Variants in PIK3C2A observed in about 807,000 individuals in gnomAD.
PIK3C2A encodes phosphatidylinositol 4-phosphate 3-kinase C2 domain-containing subunit alpha.
A neutral mutation model predicts 204.5 loss-of-function variants in PIK3C2A; 97 were observed. The ratio of observed to expected loss-of-function variants is 0.47; its 90% CI spans 0.40 to 0.56. The LOEUF (loss-of-function observed/expected upper bound fraction) is 0.56. Among genes scored for constraint, PIK3C2A ranks in the 20% least tolerant of loss-of-function variants. PIK3C2A has a pLI of 0.00. For synonymous variants in PIK3C2A, 653 were observed against 664.4 expected (o/e 0.98, Z 0.26); for missense variants, 1,735 against 1,969.2 (o/e 0.88, Z 2.25).
In PIK3C2A at chr11:17,119,801, T is replaced by C. The variant is rs963406083; in HGVS notation, c.2831A>G (p.Glu944Gly). ...WPALYPLIAL[E>G]LLDSKFADQE... ...TTTGACTTACTTTGAATCAAGAAGT[T>C]CCAATGCAATTAGTGGGTACAATGC... is the stretch of plus-strand genomic sequence containing the variant. The change falls in exon 16 of 33, where the codon GAA (glutamate) becomes GGA (glycine). Residue 944 changes from glutamate to glycine, a missense_variant. Physicochemically the swap from Glu to Gly is moderately conservative, Grantham distance 98. Coordinates refer to ENST00000691414, the MANE Select transcript of PIK3C2A (RefSeq NM_002645.4). The C allele has an allele frequency of 6.4e-7, 1 of 1,551,830 alleles. No individual in the cohort carries two copies. The highest frequency in any genetic ancestry group is 8.7e-7 in the Non-Finnish European group (1 of 1,154,470).
At chr11:17,101,536 C>T (rs749381080) in intron 24 of PIK3C2A, 102 bp from the exon 25 acceptor site, 20 of 498,308 alleles carry the variant, frequency 4.0e-5, no homozygotes, top group Non-Finnish European at 6.8e-5. Context: ...ACAGCCATTT[C>T]CAACTAGGAA....
chr11:17,134,946 T>G lies in PIK3C2A; in HGVS notation c.1981A>C (p.Asn661His), dbSNP rs550474458. 29 of 1,613,864 alleles carry G rather than the reference T, an allele frequency of 1.8e-5. 1 individual carries two copies. In the Admixed American group the frequency reaches 4.8e-4, roughly 27 times the overall value. ...CAGTCTGTAGGACTCCTACCAGAAT[T>G]TGCATGGAGTCTGAGAAGATCATAA... is the stretch of plus-strand genomic sequence containing the variant. The part of the protein sequence containing the change: ...AIYDLLRLHA[N>H]SGRSPTDCAQ... Residue 661 changes from asparagine (N) to histidine (H), a missense_variant, in exon 11 of 33, where the codon AAT (asparagine) becomes CAT (histidine). Asn to His is a moderately conservative substitution (Grantham distance 68). This residue lies in a region of PIK3C2A where 567 missense variants were observed against 576.0 expected (regional missense o/e 0.98). Transcript: ENST00000691414.
intron 23 of PIK3C2A, among the ~76,000 whole-genome samples, chr11:17,103,581 A>C (rs1848712084): frequency 6.6e-6 from 1 of 152,170 alleles, no homozygotes; most frequent in South Asian, 2.1e-4. Flanking sequence ...TATAGCATTT[A>C]GCACAAACCA....
intron 1 of PIK3C2A, among the ~76,000 whole-genome samples, chr11:17,177,956 A>G (rs1197286346): frequency 6.6e-6 from 1 of 151,912 alleles, no homozygotes; most frequent in Non-Finnish European, 1.5e-5. Context: ...AGCTAGGCAT[A>G]GTGGTGGGTG....
chr11:17,125,066 G>A (rs1849480405), intron 13 of PIK3C2A, among the ~76,000 whole-genome samples: 1 of 152,188 alleles, frequency 6.6e-6, no homozygotes, highest in South Asian at 2.1e-4. Flanking sequence ...TCTCTGTGAT[G>A]TTACTATTGA....
In PIK3C2A at chr11:17,091,320, T is replaced by C; in HGVS notation, c.4878+14A>G. ...AATAAACCAAGGAAACTTCTAGAAA[T>C]GATTTTAACTTACCATTTCATTGAA... On this transcript the variant is annotated intron_variant, in intron 32 of 32. Coordinates refer to ENST00000691414, the MANE Select transcript of PIK3C2A (RefSeq NM_002645.4). 6.3e-7 allele frequency: 1 copy of C among 1,597,358 alleles called. No individual in the cohort carries two copies. Among genetic ancestry groups the C allele is most frequent in the Admixed American group, 1.8e-5 (1 of 55,236 alleles).
In PIK3C2A at chr11:17,168,982, T is replaced by C; in HGVS notation, c.760A>G (p.Ser254Gly). Residue 254 changes from serine (S) to glycine (G), a missense_variant, in exon 2 of 33, where the codon AGC becomes GGC. Ser to Gly is a moderately conservative substitution (Grantham distance 56, BLOSUM62 0). This residue lies in a region of PIK3C2A where 536 missense variants were observed against 546.7 expected (regional missense o/e 0.98). Coordinates refer to ENST00000691414, the MANE Select transcript of PIK3C2A (RefSeq NM_002645.4). ...TDLEITDSKVSNLQVSPKSED... is the reference protein window; with the variant it reads ...TDLEITDSKVGNLQVSPKSED... ...GACTTTGGAGATACCTGTAGATTGC[T>C]GACTTTTGAATCTGTTATCTCCAAA... The C allele has an allele frequency of 6.2e-7, 1 of 1,613,846 alleles. No individual in the cohort carries two copies. Among genetic ancestry groups the C allele is most frequent in the Non-Finnish European group, 8.5e-7 (1 of 1,179,946 alleles).
chr11:17,192,122 G>A (rs1181520068), intron 1 of PIK3C2A, among the ~76,000 whole-genome samples: 2 of 152,120 alleles, frequency 1.3e-5, no homozygotes, highest in African/African-American at 4.8e-5. Flanking sequence ...TCCAGCCAGG[G>A]TAACAGAGCG....
rs778486543 is a variant in PIK3C2A, at chr11:17,135,131, G to C, written c.1877C>G (p.Thr626Ser). The C allele has an allele frequency of 1.2e-6, 2 of 1,613,982 alleles. No individual in the cohort carries two copies. The highest frequency in any genetic ancestry group is 2.2e-5 in the South Asian group (2 of 91,084). The change falls in exon 10 of 33, where the codon ACT becomes AGT. Residue 626 changes from threonine (T) to serine (S), a missense_variant. Thr to Ser is a moderately conservative substitution (Grantham distance 58). Transcript: ENST00000691414. ...DVTSLFGGED[T>S]SRSSTRGSLN... ...CATACCCCTAGTTGAACTCCTGCTA[G>C]TGTCTTCTCCTCCAAACAAAGAAGT...
At chr11:17,193,027 G>A (rs530114879) in intron 1 of PIK3C2A, among the ~76,000 whole-genome samples, 2 of 152,136 alleles carry the variant, frequency 1.3e-5, no homozygotes, top group East Asian at 1.9e-4. Context: ...TACCATAACT[G>A]TAGGAATGGG....
At chr11:17,130,692 A>C (rs1490044790) in intron 12 of PIK3C2A, among the ~76,000 whole-genome samples, 1 of 151,704 alleles carries the variant, frequency 6.6e-6, no homozygotes, top group African/African-American at 2.4e-5. Context: ...CTGTAATCTC[A>C]GCTACTCAGG....
chr11:17,119,074 T>A lies in PIK3C2A; in HGVS notation c.2940+146A>T, dbSNP rs909330243. ...GCAGATGACAATAGTGGGGAAAAAATTCACACTAAATCCAAATGCAATGCC... is the reference window on the plus strand; with the variant it reads ...GCAGATGACAATAGTGGGGAAAAAAATCACACTAAATCCAAATGCAATGCC... On this transcript the variant is annotated intron_variant, in intron 17 of 32. Coordinates refer to ENST00000691414, the MANE Select transcript of PIK3C2A (RefSeq NM_002645.4). The A allele has an allele frequency of 5.0e-6, 3 of 598,644 alleles. No individual in the cohort carries two copies. The African/African-American group carries it at 5.7e-5, about 11-fold the overall frequency. 37.1% of individuals were successfully genotyped at this position (598,644 alleles called of 1,614,324 possible). A position where few individuals can be genotyped will look rare whatever the true frequency, so the allele number is the denominator to read the frequency against.
At chr11:17,138,258 C>G (rs985668061) in intron 8 of PIK3C2A, 2 of 835,098 alleles carry the variant, frequency 2.4e-6, no homozygotes, top group African/African-American at 1.7e-5. Context: ...ACCAGGGGTT[C>G]AGGACAGGCT....
At chr11:17,153,314 A>T (rs887130582) in intron 3 of PIK3C2A, among the ~76,000 whole-genome samples, 1 of 152,126 alleles carries the variant, frequency 6.6e-6, no homozygotes, top group Admixed American at 6.5e-5. Flanking sequence ...ACATGCCTAC[A>T]GTCCTAGCTA....
chr11:17,105,428 T>C, intron 22 of PIK3C2A, 123 bp from the exon 23 acceptor site: 1 of 790,120 alleles, frequency 1.3e-6, no homozygotes, highest in Non-Finnish European at 2.0e-6. Flanking sequence ...GTGCAGAATG[T>C]GCAAGTTTGT....
chr11:17,166,356 C>T (rs1007856027), intron 2 of PIK3C2A, among the ~76,000 whole-genome samples: 2 of 152,058 alleles, frequency 1.3e-5, no homozygotes, highest in African/African-American at 2.4e-5. Flanking sequence ...TCTTGGGTTC[C>T]GAATCCCAGT....
At chr11:17,182,378 G>A in intron 1 of PIK3C2A, among the ~76,000 whole-genome samples, 1 of 151,618 alleles carries the variant, frequency 6.6e-6, no homozygotes, top group Non-Finnish European at 1.5e-5. Flanking sequence ...ACCAGCCTAA[G>A]CAACATGGCA....
At chr11:17,122,433 A>G (rs1297706448) in intron 14 of PIK3C2A, 100 bp from the exon 15 acceptor site, 4 of 733,046 alleles carry the variant, frequency 5.5e-6, no homozygotes, top group Non-Finnish European at 9.2e-6. Context: ...CAATCGGGGC[A>G]TATTTACATT....
rs79601764 is a variant in PIK3C2A at position 17,201,687 on chromosome 11, T to C, written c.-66+6161A>G. 2.6e-3 allele frequency among the ~76,000 whole-genome samples: 393 copies of C among 152,266 alleles called. 2 individuals carry two copies. Among genetic ancestry groups the C allele is most frequent in the African/African-American group, 9.1e-3 (380 of 41,546 alleles). On this transcript the variant is annotated intron_variant, in intron 1 of 32. Transcript: ENST00000691414. ...CATCTTCTTCTTCCTATAGTAAGGA[T>C]TTACAATCTAAACTCTTTACTCAAA... is the stretch of plus-strand genomic sequence containing the variant.
Sources: allele counts gnomAD v4.1 joint callset (sites outside exome capture counted in the v4.1 genomes callset), GRCh38; gene constraint gnomAD v4.1.1; regional missense constraint gnomAD v4.1.1; transcripts MANE v1.5; gene names NCBI Gene and HGNC (gene_info 2026-07-23, HGNC 2026-07-21).